The following TMEM163 variants were observed in gnomAD, a reference collection of about 807,000 sequenced individuals.
TMEM163 encodes transmembrane protein 163.
Under a neutral mutation model 29.3 loss-of-function variants are expected in TMEM163, and 17 were observed. That is an observed-to-expected ratio of 0.58 (90% CI 0.40 to 0.87). TMEM163 has a LOEUF of 0.87. TMEM163 is among the 40% of genes least tolerant of loss of function. The pLI, the probability that TMEM163 is intolerant of heterozygous loss-of-function variation, is 0.00. For synonymous variants in TMEM163, 157 were observed against 160.6 expected, an observed-to-expected ratio of 0.98 and a Z score of 0.17; for missense variants, 303 against 381.5, an observed-to-expected ratio of 0.79 and a Z score of 1.71.
chr2:134,462,167 T>TCC (rs1686558217), intron 6 of TMEM163, among the ~76,000 whole-genome samples: 1 of 109,510 alleles, frequency 9.1e-6, no homozygotes, highest in African/African-American at 7.2e-5. Context: ...TCTCTGTCTC[T>TCC]CTCTCTCATT....
rs1378010928 is a variant in TMEM163, at chr2:134,530,555, G to A, written c.458+20015C>T. 2.0e-5 allele frequency among the ~76,000 whole-genome samples: 3 copies of A among 152,266 alleles called. No individual in the cohort carries two copies. In the East Asian group the frequency reaches 5.8e-4, roughly 29 times the overall value. On this transcript the variant is annotated intron_variant, in intron 4 of 7. Transcript: ENST00000281924. ...CCCTCCCAAAGTGCTTGGGTTACAGGCATGAGTCACTGTGCCAGGCCTACT... is the reference window on the plus strand; with the variant it reads ...CCCTCCCAAAGTGCTTGGGTTACAGACATGAGTCACTGTGCCAGGCCTACT...
chr2:134,687,203 A>C (rs1684368073), intron 2 of TMEM163, among the ~76,000 whole-genome samples: 1 of 152,166 alleles, frequency 6.6e-6, no homozygotes, highest in Admixed American at 6.5e-5. Context: ...AGAGAGTAAA[A>C]ATCTCCACTT....
intron 2 of TMEM163, among the ~76,000 whole-genome samples, chr2:134,574,511 G>T (rs534078294): frequency 1.3e-5 from 2 of 152,112 alleles, no homozygotes; most frequent in Non-Finnish European, 2.9e-5. Context: ...AGTGAGCCAA[G>T]ATCGCGCCAC....
intron 2 of TMEM163, among the ~76,000 whole-genome samples, chr2:134,573,750 A>C (rs1681487040): frequency 6.6e-6 from 1 of 152,188 alleles, no homozygotes; most frequent in African/African-American, 2.4e-5. Context: ...AGTTCCCATA[A>C]ATTTTAGACT....
At chr2:134,616,932 C>T (rs1418113134) in intron 2 of TMEM163, among the ~76,000 whole-genome samples, 6 of 152,114 alleles carry the variant, frequency 3.9e-5, no homozygotes, top group Non-Finnish European at 8.8e-5. Context: ...ACTTGCTTTA[C>T]AAGAAATACC....
intron 4 of TMEM163, among the ~76,000 whole-genome samples, chr2:134,549,118 A>AC (rs1491488668): frequency 6.6e-6 from 1 of 151,220 alleles, no homozygotes; most frequent in Non-Finnish European, 1.5e-5. Context: ...AAAAAAAAAA[A>AC]CTAATGCCCA....
intron 2 of TMEM163, among the ~76,000 whole-genome samples, chr2:134,584,755 C>G (rs972106242): frequency 1.3e-5 from 2 of 151,992 alleles, no homozygotes; most frequent in African/African-American, 4.8e-5. Context: ...GATTCAGACA[C>G]AAATGTTCAT....
At chr2:134,579,198 C>A (rs949109215) in intron 2 of TMEM163, among the ~76,000 whole-genome samples, 2 of 152,148 alleles carry the variant, frequency 1.3e-5, no homozygotes, top group Non-Finnish European at 2.9e-5. Flanking sequence ...TACAAAGGGG[C>A]AACTATTCCC....
chr2:134,621,752 G>C (rs1466756323), intron 2 of TMEM163, among the ~76,000 whole-genome samples: 1 of 152,010 alleles, frequency 6.6e-6, no homozygotes, highest in African/African-American at 2.4e-5. Context: ...TTAGCCGGGC[G>C]TGGTGGCAGG....
chr2:134,624,710 A>C (rs1574289553), intron 2 of TMEM163, among the ~76,000 whole-genome samples: 1 of 152,148 alleles, frequency 6.6e-6, no homozygotes, highest in Non-Finnish European at 1.5e-5. Flanking sequence ...GGAGTTCAAG[A>C]CCAGCCTAGG....
chr2:134,672,993 G>A (rs896157147), intron 2 of TMEM163, among the ~76,000 whole-genome samples: 9 of 152,014 alleles, frequency 5.9e-5, no homozygotes, highest in East Asian at 1.9e-4. Context: ...TTTCCAAGGC[G>A]CAACTTTAAT....
chr2:134,459,171 C>T (rs187425507), intron 6 of TMEM163: 6 of 152,346 alleles, frequency 3.9e-5, no homozygotes, highest in Admixed American at 3.9e-4. Flanking sequence ...CCAGGCCTGG[C>T]TTCCCCTGGG....
At chr2:134,589,555 C>T (rs916433336) in intron 2 of TMEM163, among the ~76,000 whole-genome samples, 1 of 152,150 alleles carries the variant, frequency 6.6e-6, no homozygotes, top group African/African-American at 2.4e-5. Flanking sequence ...TTTACAGATG[C>T]CATGGCAATG....
rs1315820435 is a variant in TMEM163 at position 134,674,506 on chromosome 2, CGCGCTACCATATCT to C, written c.322+38680_322+38693del. On this transcript the variant is annotated intron_variant, in intron 2 of 7. Coordinates refer to ENST00000281924, the MANE Select transcript of TMEM163 (RefSeq NM_030923.5). ...CTACAGGCGCGCGCGCGCGCGCGCG[CGCGCTACCATATCT>C]GGCTAATTTTTTGTATTTTAGTGGA... Among the ~76,000 whole-genome samples, 288 of 31,932 alleles carry C rather than the reference CGCGCTACCATATCT, an allele frequency of 9.0e-3. 2 individuals carry two copies. The highest frequency in any genetic ancestry group is 0.06 in the African/African-American group (273 of 4,580). 20.9% of individuals were successfully genotyped at this position (31,932 alleles called of 152,430 possible).
intron 2 of TMEM163, among the ~76,000 whole-genome samples, chr2:134,673,431 A>G (rs1468450361): frequency 6.6e-6 from 1 of 152,166 alleles, no homozygotes; most frequent in East Asian, 1.9e-4. Context: ...TCATTTTTGT[A>G]TCCCTAGGAC....
intron 2 of TMEM163, among the ~76,000 whole-genome samples, chr2:134,611,219 C>T (rs1404228887): frequency 2.0e-5 from 3 of 152,220 alleles, no homozygotes; most frequent in Admixed American, 2.0e-4. Context: ...GCAAAGATCA[C>T]TTTCCAAGCT....
At chr2:134,674,622 T>G (rs1436643458) in intron 2 of TMEM163, among the ~76,000 whole-genome samples, 1 of 151,852 alleles carries the variant, frequency 6.6e-6, no homozygotes. Flanking sequence ...CCTCCCAAAG[T>G]GCTGGGATTA....
intron 5 of TMEM163, among the ~76,000 whole-genome samples, chr2:134,485,613 T>C (rs1679290584): frequency 6.6e-6 from 1 of 152,184 alleles, no homozygotes. Context: ...GTTCTGTTCT[T>C]AGGGCCTTCA....
At chr2:134,501,810 T>A (rs1348855985) in intron 5 of TMEM163, among the ~76,000 whole-genome samples, 1 of 152,168 alleles carries the variant, frequency 6.6e-6, no homozygotes, top group East Asian at 1.9e-4. Context: ...ATACCACAAA[T>A]AGGTACATTC....
Sources: gnomAD v4.1 joint callset for allele counts (sites outside exome capture counted in the v4.1 genomes callset) on GRCh38, gnomAD v4.1.1 for gene constraint, MANE v1.5 for transcripts, NCBI Gene and HGNC (gene_info 2026-07-23, HGNC 2026-07-21) for gene names.